The following RHOA variants were observed in gnomAD, a reference collection of about 807,000 sequenced individuals.
RHOA encodes ras homolog family member A, also known as transforming protein RhoA.
Under a neutral mutation model 17.5 loss-of-function variants are expected in RHOA, and 3 were observed. The ratio of observed to expected loss-of-function variants is 0.17; its 90% CI spans 0.08 to 0.44. The LOEUF (loss-of-function observed/expected upper bound fraction) is 0.44. Ranked by LOEUF, RHOA falls within the 20% of genes least tolerant of loss-of-function variation. RHOA has a pLI of 0.99. For missense variants in RHOA, 56 were observed against 242.3 expected, an observed-to-expected ratio of 0.23 and a Z score of 5.10; for synonymous variants, 98 against 88.4, an observed-to-expected ratio of 1.11 and a Z score of -0.61.
At chr3:49,406,192 A>G (rs1342953128) in intron 1 of RHOA, among the ~76,000 whole-genome samples, 1 of 152,188 alleles carries the variant, frequency 6.6e-6, no homozygotes, top group African/African-American at 2.4e-5. Flanking sequence ...TTAAATATCC[A>G]TCTTAAATTT....
At chr3:49,398,694 G>C (rs934955285) in intron 1 of RHOA, among the ~76,000 whole-genome samples, 4 of 150,866 alleles carry the variant, frequency 2.7e-5, no homozygotes, top group Non-Finnish European at 5.9e-5. Context: ...CAAAAAATTA[G>C]CTGGTCGTGG....
At chr3:49,405,477 G>A (rs2048817744) in intron 1 of RHOA, among the ~76,000 whole-genome samples, 1 of 152,004 alleles carries the variant, frequency 6.6e-6, no homozygotes, top group African/African-American at 2.4e-5. Flanking sequence ...CTACATGTCT[G>A]GCACTTGAGG....
intron 1 of RHOA, among the ~76,000 whole-genome samples, chr3:49,395,940 T>C (rs1344481574): frequency 1.3e-5 from 2 of 152,062 alleles, no homozygotes; most frequent in Non-Finnish European, 2.9e-5. Context: ...GGTAAGCTGT[T>C]ATTACAGGTA....
intron 1 of RHOA, among the ~76,000 whole-genome samples, chr3:49,383,048 C>G: frequency 6.6e-6 from 1 of 151,190 alleles, no homozygotes; most frequent in Non-Finnish European, 1.5e-5. Context: ...GAGCAAAACT[C>G]CATCGTATCA....
chr3:49,364,280 T>G (rs2048018829), intron 3 of RHOA, among the ~76,000 whole-genome samples: 1 of 151,500 alleles, frequency 6.6e-6, no homozygotes, highest in African/African-American at 2.4e-5. Context: ...AGGTCGGGAG[T>G]TGGGAGACCA....
At chr3:49,361,336 G>A (rs1430436563) in intron 4 of RHOA, among the ~76,000 whole-genome samples, 1 of 152,202 alleles carries the variant, frequency 6.6e-6, no homozygotes, top group Non-Finnish European at 1.5e-5. Context: ...ACCTGAGTAA[G>A]AGAACTTAGG....
intron 3 of RHOA, among the ~76,000 whole-genome samples, chr3:49,363,249 T>C (rs1339850195): frequency 3.3e-5 from 5 of 151,686 alleles, no homozygotes; most frequent in African/African-American, 9.7e-5. Flanking sequence ...AAACCCCGTC[T>C]CTACTAAAAA....
At chr3:49,373,302 C>T in intron 2 of RHOA, 1 of 230,304 alleles carries the variant, frequency 4.3e-6, no homozygotes, top group Non-Finnish European at 9.7e-6. Context: ...CAAGATCATG[C>T]CATTGCACTC....
intron 3 of RHOA, chr3:49,366,740 TAAAC>T (rs1360042496): frequency 6.6e-6 from 1 of 152,274 alleles, no homozygotes; most frequent in Non-Finnish European, 1.5e-5. Context: ...AGCATGACCT[TAAAC>T]AAGTGGCTCA....
chr3:49,399,142 G>A (rs2048675255), intron 1 of RHOA, among the ~76,000 whole-genome samples: 1 of 150,110 alleles, frequency 6.7e-6, no homozygotes. Context: ...GGCCGAGGCA[G>A]GCAGATCACG....
chr3:49,383,229 C>G (rs905069599), intron 1 of RHOA, among the ~76,000 whole-genome samples: 1 of 151,666 alleles, frequency 6.6e-6, no homozygotes, highest in African/African-American at 2.4e-5. Context: ...GTCAGGAGAT[C>G]GAGACCATCC....
In RHOA at chr3:49,360,402, AG is replaced by A; in HGVS notation, c.409-21del. On this transcript the variant is annotated intron_variant, in intron 4 of 4. Transcript: ENST00000418115. ...CGGCTCCTAGCAAAGAAAAAAAAAT[AG>A]TCCTTTTAGCTAATAGTGTGGCATA... The A allele has an allele frequency of 6.2e-7, 1 of 1,600,404 alleles. No homozygotes were observed. The highest frequency in any genetic ancestry group is 8.5e-7 in the Non-Finnish European group (1 of 1,174,672).
chr3:49,390,276 A>G (rs1364317619), intron 1 of RHOA, among the ~76,000 whole-genome samples: 1 of 152,050 alleles, frequency 6.6e-6, no homozygotes, highest in East Asian at 1.9e-4. Context: ...CTGGGACTAC[A>G]GGCACCCGCC....
intron 1 of RHOA, among the ~76,000 whole-genome samples, chr3:49,384,332 A>G (rs1001671824): frequency 1.2e-4 from 19 of 152,132 alleles, no homozygotes; most frequent in Non-Finnish European, 2.6e-4. Flanking sequence ...TTACAAGTAC[A>G]TGGTTTGTCA....
intron 1 of RHOA, among the ~76,000 whole-genome samples, chr3:49,397,682 A>G (rs1188576233): frequency 6.6e-6 from 1 of 152,102 alleles, no homozygotes; most frequent in Non-Finnish European, 1.5e-5. Flanking sequence ...TATGCAGAAA[A>G]TGATGATGCA....
chr3:49,406,884 C>T (rs887985210), intron 1 of RHOA: 3 of 152,068 alleles, frequency 2.0e-5, no homozygotes, highest in Non-Finnish European at 4.4e-5. Flanking sequence ...TGCTTGTAAT[C>T]CCAACACCTT....
At chr3:49,405,828 GCACT>G (rs1456953039) in intron 1 of RHOA, among the ~76,000 whole-genome samples, 3 of 152,146 alleles carry the variant, frequency 2.0e-5, no homozygotes, top group African/African-American at 4.8e-5. Flanking sequence ...GGGATTACAG[GCACT>G]CACTAATACA....
At chr3:49,383,419 C>CAA (rs397819188) in intron 1 of RHOA, among the ~76,000 whole-genome samples, 284 of 124,794 alleles carry the variant, frequency 2.3e-3, no homozygotes, top group East Asian at 7.1e-3. Context: ...GAATCCATCT[C>CAA]AAAAAAAAAA....
At chr3:49,402,602 A>G (rs1183115274) in intron 1 of RHOA, among the ~76,000 whole-genome samples, 2 of 152,066 alleles carry the variant, frequency 1.3e-5, no homozygotes, top group African/African-American at 2.4e-5. Context: ...TGGGCACAAG[A>G]GTTAGAGGCT....
Sources: allele counts gnomAD v4.1 joint callset (sites outside exome capture counted in the v4.1 genomes callset), GRCh38; gene constraint gnomAD v4.1.1; transcripts MANE v1.5; gene names NCBI Gene and HGNC (gene_info 2026-07-23, HGNC 2026-07-21).